The following ABLIM3 variants were observed in gnomAD, a reference collection of about 807,000 sequenced individuals.
ABLIM3 encodes actin-binding LIM protein 3.
A neutral mutation model predicts 109.5 loss-of-function variants in ABLIM3; 61 were observed. The ratio of observed to expected loss-of-function variants is 0.56; its 90% CI spans 0.45 to 0.69. ABLIM3 has a LOEUF of 0.69. Ranked by LOEUF, ABLIM3 falls within the 30% of genes least tolerant of loss-of-function variation. The pLI is 0.00. For synonymous variants in ABLIM3, 300 were observed against 324.8 expected (o/e 0.92, Z 0.82); for missense variants, 796 against 889.5 (o/e 0.89, Z 1.34).
chr5:149,208,101 G>A (rs1477739490), intron 6 of ABLIM3, among the ~76,000 whole-genome samples: 4 of 152,230 alleles, frequency 2.6e-5, no homozygotes, highest in Admixed American at 6.5e-5. Context: ...GATATGCTGC[G>A]TTCATGAAGA....
chr5:149,239,268 C>T lies in ABLIM3; in HGVS notation c.1065C>T (p.Pro355=), dbSNP rs780400450. The T allele has an allele frequency of 6.8e-6, 11 of 1,613,948 alleles. No homozygotes were observed. The Admixed American group carries it at 1.0e-4, about 15-fold the overall frequency. The change falls in exon 12 of 24, where the codon CCC becomes CCT. Residue 355 remains proline (P), a synonymous_variant. Transcript: ENST00000309868. ...GYGESLGTLS[P]YSQDIYENLD... is the part of the protein sequence containing the mutation. ...CTAAGTCGCTGGGAACATTATCTCCCTACTCCCAGGTAATTCAGCTGATAG... is the reference window on the plus strand; with the variant it reads ...CTAAGTCGCTGGGAACATTATCTCCTTACTCCCAGGTAATTCAGCTGATAG...
At position 149,188,525 on chromosome 5, in the gene ABLIM3, T is replaced by A. The variant is rs192337363; in HGVS notation, c.151+4936T>A. Among the ~76,000 whole-genome samples, 488 of 152,336 alleles carry A rather than the reference T, an allele frequency of 3.2e-3. 3 individuals are homozygous for A. Among genetic ancestry groups the A allele is most frequent in the African/African-American group, 0.011 (474 of 41,566 alleles). On this transcript the variant is annotated intron_variant, in intron 3 of 23. Coordinates refer to ENST00000309868, the MANE Select transcript of ABLIM3 (RefSeq NM_014945.5). Reference sequence around the variant, plus strand: ...TAAATGGAAAGGTGTCCCTTGCTCATAAAATAAAAGACTTATTTATTATTA... The same window carrying A: ...TAAATGGAAAGGTGTCCCTTGCTCAAAAAATAAAAGACTTATTTATTATTA...
chr5:149,152,671 G>A (rs1739702088), intron 2 of ABLIM3, among the ~76,000 whole-genome samples: 1 of 152,078 alleles, frequency 6.6e-6, no homozygotes, highest in African/African-American at 2.4e-5. Flanking sequence ...CCCAAAAGAG[G>A]GCGTCTGAGG....
At chr5:149,250,360 G>GT in intron 19 of ABLIM3, 87 bp from the exon 20 acceptor site, 1 of 1,357,394 alleles carries the variant, frequency 7.4e-7, no homozygotes, top group Admixed American at 1.7e-5. Context: ...GTTGGGAGCA[G>GT]TGTTGGCCAT....
chr5:149,171,472 G>A (rs1356600684), intron 2 of ABLIM3, among the ~76,000 whole-genome samples: 14 of 152,282 alleles, frequency 9.2e-5, no homozygotes, highest in Admixed American at 9.2e-4. Flanking sequence ...GTGATACAAA[G>A]CACTTTGCTC....
intron 3 of ABLIM3, among the ~76,000 whole-genome samples, chr5:149,193,131 T>A (rs1221898464): frequency 6.6e-6 from 1 of 152,106 alleles, no homozygotes; most frequent in African/African-American, 2.4e-5. Flanking sequence ...ATGGGATAAT[T>A]GGAAAACTTG....
Position 149,240,785 on chromosome 5 carries a change from C to T in ABLIM3, c.1303+11C>T, listed in dbSNP as rs77050679. On this transcript the variant is annotated intron_variant, in intron 14 of 23. Coordinates refer to ENST00000309868, the MANE Select transcript of ABLIM3 (RefSeq NM_014945.5). ...ACTTTCACATCCCAGGTAGGCACTG[C>T]CAGCCCAGAATTCCTGGGATGGATG... The T allele has an allele frequency of 0.021, 33,894 of 1,612,178 alleles. 528 individuals are homozygous for T. Among genetic ancestry groups the T allele is most frequent in the African/African-American group, 0.066 (4,947 of 74,976 alleles).
At chr5:149,141,966 T>C in intron 1 of ABLIM3, 43 bp from the exon 2 acceptor site, 5 of 1,324,764 alleles carry the variant, frequency 3.8e-6, no homozygotes, top group East Asian at 2.3e-5. Flanking sequence ...AGAGAGCACC[T>C]GAGGATACAG....
rs569080808 is a variant in ABLIM3, at chr5:149,172,340, C to T, written c.14-11112C>T. On this transcript the variant is annotated intron_variant, in intron 2 of 23. Transcript: ENST00000309868. ...CTATGAAACTTTTGTTTCACATATT[C>T]GTGTACTGAGTCATTATGCAAAATT... 2.6e-5 allele frequency among the ~76,000 whole-genome samples: 4 copies of T among 152,250 alleles called. No individual in the cohort carries two copies. In the South Asian group the frequency reaches 8.3e-4, roughly 32 times the overall value.
At chr5:149,153,444 G>A (rs1753610958) in intron 2 of ABLIM3, among the ~76,000 whole-genome samples, 1 of 152,206 alleles carries the variant, frequency 6.6e-6, no homozygotes, top group Admixed American at 6.5e-5. Flanking sequence ...GCCATTGGAG[G>A]AAGAGGTTAG....
intron 13 of ABLIM3, 145 bp downstream of exon 13, chr5:149,240,033 C>A: frequency 8.5e-7 from 1 of 1,170,796 alleles, no homozygotes; most frequent in Non-Finnish European, 1.1e-6. Flanking sequence ...ACCCAGGTGA[C>A]CAGCTGGGCC....
At position 149,246,562 on chromosome 5, in the gene ABLIM3, A is replaced by G. The variant is rs1391860436; in HGVS notation, c.1551+16A>G. ...CATGCACAAGGTGGGCAGAGACCAC[A>G]GCACTGAATATGATGCTTAGAGCGT... On this transcript the variant is annotated intron_variant, in intron 17 of 23. Transcript: ENST00000309868. The G allele has an allele frequency of 5.0e-6, 8 of 1,613,930 alleles. No homozygotes were observed. The highest frequency in any genetic ancestry group is 1.7e-5 in the Admixed American group (1 of 59,962).
At chr5:149,250,529 G>A (rs1366034981) in intron 20 of ABLIM3, 24 bp downstream of exon 20, 1 of 1,613,970 alleles carries the variant, frequency 6.2e-7, no homozygotes, top group East Asian at 2.2e-5. Context: ...CTGGAGGATG[G>A]GGGAGGACGT....
At chr5:149,220,497 A>C (rs1760533066) in intron 8 of ABLIM3, 1 of 152,120 alleles carries the variant, frequency 6.6e-6, no homozygotes, top group African/African-American at 2.4e-5. Flanking sequence ...AAGGATGCTA[A>C]GTGATCCTGG....
At chr5:149,247,655 C>A in intron 17 of ABLIM3, 127 bp from the exon 18 acceptor site, 1 of 1,221,474 alleles carries the variant, frequency 8.2e-7, no homozygotes. Flanking sequence ...GTGGGAGGGA[C>A]GCTGGGAAGG....
chr5:149,234,843 G>A (rs2963502), intron 10 of ABLIM3, among the ~76,000 whole-genome samples: 2,904 of 152,282 alleles, frequency 0.019, 37 homozygotes, highest in Middle Eastern at 0.027. Flanking sequence ...GAGCACTCAG[G>A]AAGCTGCTGC....
rs762710144 is a variant in ABLIM3 at position 149,250,451 on chromosome 5, T to G, written c.1734T>G (p.Pro578=). The change falls in exon 20 of 24, where the codon CCT becomes CCG. Residue 578 remains proline (P), a synonymous_variant. Coordinates refer to ENST00000309868, the MANE Select transcript of ABLIM3 (RefSeq NM_014945.5). The part of the protein sequence containing the change: ...PRSHYLADSD[P]LISKSASLPA... ...GCTCTAGATCCTTCTTTTCAGATCC[T>G]CTCATCTCCAAATCTGCCTCCCTGC... 8 of 1,614,010 alleles carry G rather than the reference T, an allele frequency of 5.0e-6. No homozygotes were observed. In the African/African-American group the frequency reaches 1.1e-4, roughly 22 times the overall value.
At chr5:149,248,732 G>A (rs1424880171) in intron 18 of ABLIM3, among the ~76,000 whole-genome samples, 3 of 149,714 alleles carry the variant, frequency 2.0e-5, no homozygotes, top group African/African-American at 7.4e-5. Flanking sequence ...TATAATCATC[G>A]GAATGGCTCA....
chr5:149,239,392 A>T, intron 12 of ABLIM3, 115 bp downstream of exon 12: 7 of 1,176,456 alleles, frequency 6.0e-6, no homozygotes, highest in Non-Finnish European at 6.3e-6. Flanking sequence ...ATTCCCTGCA[A>T]GCAGGGAAGT....
Sources: gnomAD v4.1 joint callset for allele counts (sites outside exome capture counted in the v4.1 genomes callset) on GRCh38, gnomAD v4.1.1 for gene constraint, MANE v1.5 for transcripts, NCBI Gene and HGNC (gene_info 2026-07-23, HGNC 2026-07-21) for gene names.